Variants in ENOX1 observed in about 807,000 individuals in gnomAD.
ENOX1 encodes candidate growth-related and time keeping constitutive hydroquinone (NADH) oxidase.
ENOX1 carries 42 observed loss-of-function variants against 82.5 expected under a neutral mutation model. The observed-to-expected ratio is 0.51, with a 90% CI of 0.40 to 0.66. The LOEUF (loss-of-function observed/expected upper bound fraction) is 0.66. Among genes scored for constraint, ENOX1 ranks in the 30% least tolerant of loss-of-function variants. The pLI, the probability that ENOX1 is intolerant of heterozygous loss-of-function variation, is 0.00. For synonymous variants in ENOX1, 271 were observed against 282.2 expected (o/e 0.96, Z 0.40); for missense variants, 608 against 811.6 (o/e 0.75, Z 3.05).
At chr13:43,233,848 A>G (rs930931703) in intron 15 of ENOX1, among the ~76,000 whole-genome samples, 1 of 152,210 alleles carries the variant, frequency 6.6e-6, no homozygotes, top group Non-Finnish European at 1.5e-5. Context: ...GCTGGCCTAG[A>G]GCATGACTTT....
At chr13:43,295,416 A>G (rs1303890490) in intron 12 of ENOX1, among the ~76,000 whole-genome samples, 6 of 152,218 alleles carry the variant, frequency 3.9e-5, no homozygotes, top group Admixed American at 3.3e-4. Context: ...GAGTTTTTCC[A>G]TGTTAGGAAC....
chr13:43,322,296 G>C, intron 11 of ENOX1, 88 bp downstream of exon 11: 1 of 934,292 alleles, frequency 1.1e-6, no homozygotes, highest in Non-Finnish European at 1.6e-6. Context: ...AAATAAAAGT[G>C]AGTTATAGGG....
chr13:43,439,041 CTTTTTT>C (rs61212622), intron 3 of ENOX1, among the ~76,000 whole-genome samples: 12 of 120,138 alleles, frequency 1.0e-4, no homozygotes, highest in Middle Eastern at 5.3e-3. Flanking sequence ...GTCTTTTAAT[CTTTTTT>C]TTTTTTTTTT....
At chr13:43,252,326 T>TTAAG (rs1167600192) in intron 14 of ENOX1, among the ~76,000 whole-genome samples, 1 of 152,186 alleles carries the variant, frequency 6.6e-6, no homozygotes, top group Non-Finnish European at 1.5e-5. Context: ...TTCTGCTCTA[T>TTAAG]TAAGTGTTCC....
intron 3 of ENOX1, among the ~76,000 whole-genome samples, chr13:43,442,020 G>A (rs915450304): frequency 6.6e-6 from 1 of 152,050 alleles, no homozygotes; most frequent in Non-Finnish European, 1.5e-5. Context: ...ACACGAGAGA[G>A]ATCTCCTGGG....
chr13:43,338,841 G>A (rs1363215213), intron 9 of ENOX1, among the ~76,000 whole-genome samples: 11 of 151,780 alleles, frequency 7.2e-5, no homozygotes, highest in Non-Finnish European at 1.3e-4. Context: ...GCCCGCCACT[G>A]CCCCCGGCTA....
chr13:43,426,552 C>A (rs2055314800), intron 3 of ENOX1, among the ~76,000 whole-genome samples: 1 of 152,064 alleles, frequency 6.6e-6, no homozygotes, highest in East Asian at 1.9e-4. Flanking sequence ...TATCTTTACT[C>A]TTGAGCAATT....
intron 15 of ENOX1, among the ~76,000 whole-genome samples, chr13:43,232,297 G>A (rs538137594): frequency 1.3e-5 from 2 of 152,004 alleles, no homozygotes; most frequent in Admixed American, 6.5e-5. Context: ...CAATGAAGAC[G>A]GATTATTCTT....
At chr13:43,399,711 C>T (rs1310208775) in intron 5 of ENOX1, among the ~76,000 whole-genome samples, 1 of 152,186 alleles carries the variant, frequency 6.6e-6, no homozygotes, top group Non-Finnish European at 1.5e-5. Context: ...GCTAAGGGAA[C>T]AAGCCTGGAT....
intron 3 of ENOX1, among the ~76,000 whole-genome samples, chr13:43,479,600 T>A (rs1353182088): frequency 6.6e-6 from 1 of 152,230 alleles, no homozygotes; most frequent in Non-Finnish European, 1.5e-5. Flanking sequence ...AATTTCTCGT[T>A]CTTCGAAAGA....
At chr13:43,641,430 T>G (rs1174390269) in intron 2 of ENOX1, among the ~76,000 whole-genome samples, 3 of 151,840 alleles carry the variant, frequency 2.0e-5, no homozygotes, top group Non-Finnish European at 4.4e-5. Context: ...GGTATGATCC[T>G]GCCCCCAAGG....
intron 3 of ENOX1, among the ~76,000 whole-genome samples, chr13:43,426,372 T>C (rs182999867): frequency 1.3e-5 from 2 of 152,354 alleles, no homozygotes; most frequent in Admixed American, 6.5e-5. Flanking sequence ...TGAATGTTCT[T>C]TGTGGGAACT....
chr13:43,328,675 C>T (rs141913172), intron 9 of ENOX1, among the ~76,000 whole-genome samples: 5 of 152,266 alleles, frequency 3.3e-5, no homozygotes, highest in African/African-American at 1.2e-4. Flanking sequence ...AAGAAGGACC[C>T]AATGGCCCAA....
At chr13:43,709,605 GAGGAGGAGAGAAGGA>G (rs2087551947) in intron 1 of ENOX1, among the ~76,000 whole-genome samples, 1 of 151,736 alleles carries the variant, frequency 6.6e-6, no homozygotes, top group African/African-American at 2.4e-5. Context: ...GGAAGAAGAT[GAGGAGGAGAGAAGGA>G]GGGAGAAGGA....
chr13:43,751,668 C>A (rs555712692), intron 1 of ENOX1, among the ~76,000 whole-genome samples: 26 of 152,078 alleles, frequency 1.7e-4, no homozygotes, highest in Non-Finnish European at 3.1e-4. Flanking sequence ...TTTCACACAA[C>A]GTAATTATAC....
At chr13:43,430,236 T>C (rs1226870465) in intron 3 of ENOX1, among the ~76,000 whole-genome samples, 2 of 152,218 alleles carry the variant, frequency 1.3e-5, no homozygotes, top group Non-Finnish European at 2.9e-5. Flanking sequence ...GTCTACTCTT[T>C]AGTGTCCTCC....
intron 14 of ENOX1, among the ~76,000 whole-genome samples, chr13:43,263,195 C>T (rs1393257003): frequency 6.6e-6 from 1 of 152,274 alleles, no homozygotes. Flanking sequence ...AGTAATCCAC[C>T]ACCTGGGAAA....
chr13:43,460,815 A>AGGG (rs2057445437), intron 3 of ENOX1, among the ~76,000 whole-genome samples: 1 of 90,974 alleles, frequency 1.1e-5, no homozygotes, highest in Non-Finnish European at 2.2e-5. Context: ...AAAAAAAAAA[A>AGGG]AAAAAAAAAA....
intron 1 of ENOX1, among the ~76,000 whole-genome samples, chr13:43,715,835 T>TC (rs1321293576): frequency 3.8e-4 from 58 of 152,152 alleles, no homozygotes; most frequent in African/African-American, 1.4e-3. Flanking sequence ...TTTAAGGACT[T>TC]CTCTGCATTG....
Sources: allele counts gnomAD v4.1 joint callset (sites outside exome capture counted in the v4.1 genomes callset), GRCh38; gene constraint gnomAD v4.1.1; transcripts MANE v1.5; gene names NCBI Gene and HGNC (gene_info 2026-07-23, HGNC 2026-07-21).